The following CROCC variants were observed in gnomAD, a reference collection of about 807,000 sequenced individuals.
CROCC encodes rootletin.
A neutral mutation model predicts 245.2 loss-of-function variants in CROCC; 180 were observed. The observed-to-expected ratio is 0.73, with a 90% CI of 0.65 to 0.83. The LOEUF is 0.83. CROCC is among the 40% of genes least tolerant of loss of function. CROCC has a pLI of 0.00. For missense variants in CROCC, 2,688 were observed against 2,779.4 expected (o/e 0.97, Z 0.74); for synonymous variants, 1,205 against 1,241.6 (o/e 0.97, Z 0.62).
chr1:16,970,211 C>T (rs1335315870), intron 33 of CROCC, 42 bp from the exon 34 acceptor site: 10 of 1,496,522 alleles, frequency 6.7e-6, no homozygotes, highest in South Asian at 3.8e-5. Context: ...TAAGTATGCT[C>T]AGGCCCAGAG....
rs1203788872 is a variant in CROCC at position 16,947,007 on chromosome 1, TG to T, written c.2514+17del. The stretch of plus-strand genomic sequence containing the variant: ...GCTAGCGCAGGTGGGCAAAGCTGTG[TG>T]TGGGGGTGGTGTGGAGAGCATGTGG... On this transcript the variant is annotated intron_variant, in intron 17 of 36. Coordinates refer to ENST00000375541, the MANE Select transcript of CROCC (RefSeq NM_014675.5). 6.5e-7 allele frequency: 1 copy of T among 1,542,828 alleles called. No homozygotes were observed. The highest frequency in any genetic ancestry group is 8.7e-7 in the Non-Finnish European group (1 of 1,143,058).
chr1:16,959,864 G>T (rs925620122), intron 26 of CROCC, among the ~76,000 whole-genome samples: 1 of 151,962 alleles, frequency 6.6e-6, no homozygotes, highest in Admixed American at 6.6e-5. Context: ...CCCCCGTGTG[G>T]CCCCGTGTGG....
At chr1:16,961,239 A>G in intron 27 of CROCC, 109 bp downstream of exon 27, 1 of 1,110,024 alleles carries the variant, frequency 9.0e-7, no homozygotes, top group African/African-American at 1.7e-5. Flanking sequence ...TTTTTCAAGG[A>G]GCCCACCACA....
At chr1:16,969,403 T>G in intron 32 of CROCC, 63 bp downstream of exon 32, 1 of 1,489,752 alleles carries the variant, frequency 6.7e-7, no homozygotes, top group African/African-American at 1.4e-5. Context: ...AAGAGCAGGC[T>G]TGGAGGGGGG....
At chr1:16,915,186 T>C (rs1172419100) in intron 1 of CROCC, among the ~76,000 whole-genome samples, 1 of 152,294 alleles carries the variant, frequency 6.6e-6, no homozygotes, top group Non-Finnish European at 1.5e-5. Context: ...GGATATGTGT[T>C]CGCTGGTGTC....
chr1:16,962,552 A>AC (rs1254310329), intron 27 of CROCC, among the ~76,000 whole-genome samples: 6,289 of 141,772 alleles, frequency 0.044, 390 homozygotes, highest in African/African-American at 0.066. Context: ...AAAAAAAAAA[A>AC]AAAAAAAAAC....
At chr1:16,936,399 C>G (rs2075788223) in intron 8 of CROCC, among the ~76,000 whole-genome samples, 1 of 152,278 alleles carries the variant, frequency 6.6e-6, no homozygotes, top group African/African-American at 2.4e-5. Context: ...TCCCAAGCGG[C>G]TGGGACTACA....
chr1:16,960,568 T>A (rs1210668251), intron 26 of CROCC, among the ~76,000 whole-genome samples, 190 bp from the exon 27 acceptor site: 1 of 152,220 alleles, frequency 6.6e-6, no homozygotes, highest in Non-Finnish European at 1.5e-5. Context: ...ATAAAGAGAT[T>A]AATAAACAAG....
Position 16,972,579 on chromosome 1 carries a change from G to GAAGC in CROCC, c.*133_*134insAAGC. On this transcript the variant is annotated 3_prime_UTR_variant, in exon 37 of 37. Coordinates refer to ENST00000375541, the MANE Select transcript of CROCC (RefSeq NM_014675.5). Reference sequence around the variant, plus strand: ...GGTGGGATGAGGAGGCGCTCTGCTGGCAGTGCTGAGGACGGGTACTCCAGC... The same window carrying GAAGC: ...GGTGGGATGAGGAGGCGCTCTGCTGGAAGCCAGTGCTGAGGACGGGTACTCCAGC... 1 of 598,778 alleles carries GAAGC rather than the reference G, an allele frequency of 1.7e-6. No homozygotes were observed. Among genetic ancestry groups the GAAGC allele is most frequent in the Non-Finnish European group, 2.9e-6 (1 of 342,728 alleles). The allele number at this position is 598,778 out of a possible 1,614,324, so 37.1% of individuals were successfully genotyped here.
chr1:16,933,893 T>G (rs1367636537), intron 8 of CROCC, among the ~76,000 whole-genome samples: 1 of 152,306 alleles, frequency 6.6e-6, no homozygotes, highest in Non-Finnish European at 1.5e-5. Context: ...TTAACTTATT[T>G]GTTCAGGAAA....
At chr1:16,938,689 C>G (rs1354774028) in intron 11 of CROCC, among the ~76,000 whole-genome samples, 1 of 152,298 alleles carries the variant, frequency 6.6e-6, no homozygotes, top group African/African-American at 2.4e-5. Context: ...CTTTGGGAGC[C>G]CACCTGTGAG....
At chr1:16,921,703 G>A (rs1224074714), upstream of CROCC, among the ~76,000 whole-genome samples, 1 of 152,230 alleles carries the variant, frequency 6.6e-6, no homozygotes, top group Non-Finnish European at 1.5e-5. Flanking sequence ...ACCTCCAGGT[G>A]TCTCCCCTGT....
intron 1 of CROCC, among the ~76,000 whole-genome samples, chr1:16,915,935 T>C (rs558942912): frequency 3.2e-4 from 48 of 152,318 alleles, no homozygotes; most frequent in African/African-American, 1.1e-3. Context: ...TTCCAGCACT[T>C]TGGGAGGCTA....
chr1:16,942,324 T>G lies in CROCC; in HGVS notation c.1809-1776T>G, dbSNP rs542427626. Among the ~76,000 whole-genome samples the G allele has an allele frequency of 2.0e-5, 3 of 152,398 alleles. No individual in the cohort carries two copies. In the South Asian group the frequency reaches 6.2e-4, roughly 32 times the overall value. The stretch of plus-strand genomic sequence containing the variant: ...CCTGAAGATTTTTAAGACAAGAAAT[T>G]ATCCACTTCTTAGCTGCCAGGTTGT... On this transcript the variant is annotated intron_variant, in intron 13 of 36. Transcript: ENST00000375541.
In CROCC at chr1:16,970,776, C is replaced by T. The variant is rs761174368; in HGVS notation, c.5784+9C>T. The T allele has an allele frequency of 1.3e-6, 2 of 1,564,630 alleles. No homozygotes were observed. The highest frequency in any genetic ancestry group is 2.3e-5 in the East Asian group (1 of 44,360). On this transcript the variant is annotated intron_variant, in intron 35 of 36. Transcript: ENST00000375541. Reference sequence around the variant, plus strand: ...AGATCCAGCAGCTGGAGGTCTGACCCCACCCAGTCCGGGACCCCAACTTCA... The same window carrying T: ...AGATCCAGCAGCTGGAGGTCTGACCTCACCCAGTCCGGGACCCCAACTTCA...
chr1:16,946,918 C>A lies in CROCC; in HGVS notation c.2441C>A (p.Ala814Asp). Residue 814 changes from alanine to aspartate, a missense_variant, in exon 17 of 37, where the codon GCC becomes GAC. Ala to Asp is a moderately radical substitution (Grantham distance 126, BLOSUM62 -2). Coordinates refer to ENST00000375541, the MANE Select transcript of CROCC (RefSeq NM_014675.5). ...LEGSLRVAEQAQEALEQQLPT... is the reference protein window; with the variant it reads ...LEGSLRVAEQDQEALEQQLPT... The stretch of plus-strand genomic sequence containing the variant: ...GGCTCCCTACGAGTGGCGGAGCAGG[C>A]CCAGGAGGCATTGGAGCAGCAGCTC... 6.4e-7 allele frequency: 1 copy of A among 1,563,508 alleles called. No individual in the cohort carries two copies. Among genetic ancestry groups the A allele is most frequent in the Non-Finnish European group, 8.7e-7 (1 of 1,154,548 alleles).
chr1:16,919,239 C>T (rs1015159991), upstream of CROCC, among the ~76,000 whole-genome samples: 6 of 152,276 alleles, frequency 3.9e-5, no homozygotes, highest in Non-Finnish European at 7.3e-5. Flanking sequence ...AGCCTCAAAG[C>T]GCAAATGCCT....
Position 16,954,382 on chromosome 1 carries a change from C to T in CROCC, c.3321+25C>T, listed in dbSNP as rs541543104. 1.0e-5 allele frequency: 16 copies of T among 1,602,520 alleles called. No individual in the cohort carries two copies. Among genetic ancestry groups the T allele is most frequent in the Admixed American group, 3.4e-5 (2 of 59,516 alleles). On this transcript the variant is annotated intron_variant, in intron 22 of 36. Transcript: ENST00000375541. The surrounding 1 kb of genome is among the most constrained non-coding windows in gnomAD (Gnocchi z 4.4). ...GGTAGGGCAGGCTGGGCAGCTGGGC[C>T]TCTGTCTCATAGAGAGGCACATCCC...
chr1:16,950,245 G>C (rs2076136630), intron 19 of CROCC, among the ~76,000 whole-genome samples: 1 of 151,500 alleles, frequency 6.6e-6, no homozygotes, highest in Non-Finnish European at 1.5e-5. Flanking sequence ...TGTATTTTTG[G>C]TATAGACAGG....
Sources: allele counts gnomAD v4.1 joint callset (sites outside exome capture counted in the v4.1 genomes callset), GRCh38; gene constraint gnomAD v4.1.1; non-coding constraint Gnocchi (gnomAD v3.1); transcripts MANE v1.5; gene names NCBI Gene and HGNC (gene_info 2026-07-23, HGNC 2026-07-21).